ZSWIM5: variants seen among roughly 807,000 people sequenced by gnomAD.
The protein encoded by ZSWIM5 is zinc finger SWIM domain-containing protein 5.
ZSWIM5 carries 55 observed loss-of-function variants against 119.6 expected under a neutral mutation model. That is an observed-to-expected ratio of 0.46 (90% confidence interval 0.37 to 0.58). ZSWIM5 has a LOEUF of 0.58. Ranked by LOEUF, ZSWIM5 falls within the 20% of genes least tolerant of loss-of-function variation. ZSWIM5 has a pLI of 0.00. For synonymous variants in ZSWIM5, 537 were observed against 606.9 expected, an observed-to-expected ratio of 0.88 and a Z score of 1.69; for missense variants, 1,193 against 1,512.8, an observed-to-expected ratio of 0.79 and a Z score of 3.51.
Position 45,087,857 on chromosome 1 carries a change from TCAATAAAAA to T in ZSWIM5, c.952+15_952+23del. On this transcript the variant is annotated intron_variant, in intron 2 of 13. Transcript: ENST00000359600. ...GTGGTGATGAAAAAGACCTTTTTTTTCAATAAAAAAGTTGTACAATTACCATTCACTTGG... is the reference window on the plus strand; with the variant it reads ...GTGGTGATGAAAAAGACCTTTTTTTTAGTTGTACAATTACCATTCACTTGG... 1 of 1,545,380 alleles carries T rather than the reference TCAATAAAAA, an allele frequency of 6.5e-7. No homozygotes were observed. The highest frequency in any genetic ancestry group is 1.9e-5 in the Admixed American group (1 of 52,320).
At chr1:45,178,014 C>T (rs1278077762) in intron 1 of ZSWIM5, among the ~76,000 whole-genome samples, 5 of 151,202 alleles carry the variant, frequency 3.3e-5, no homozygotes, top group African/African-American at 4.9e-5. Flanking sequence ...GGATTACAGG[C>T]GTGAACCACT....
At chr1:45,174,156 T>A (rs1175235272) in intron 1 of ZSWIM5, among the ~76,000 whole-genome samples, 1 of 152,012 alleles carries the variant, frequency 6.6e-6, no homozygotes, top group Non-Finnish European at 1.5e-5. Flanking sequence ...ACACCTGTAT[T>A]CCCAGCTACT....
chr1:45,127,816 T>C (rs968108333), intron 1 of ZSWIM5, among the ~76,000 whole-genome samples: 1 of 152,142 alleles, frequency 6.6e-6, no homozygotes, highest in Admixed American at 6.5e-5. Flanking sequence ...ATAAACTGTA[T>C]TTCTATATAC....
At chr1:45,097,271 C>G (rs146954225) in intron 1 of ZSWIM5, among the ~76,000 whole-genome samples, 94 of 152,248 alleles carry the variant, frequency 6.2e-4, no homozygotes, top group African/African-American at 2.2e-3. Context: ...GACTAAAGAC[C>G]ATTTTTCTGT....
chr1:45,036,011 C>T (rs200235607), intron 9 of ZSWIM5, 28 bp downstream of exon 9: 3 of 1,605,280 alleles, frequency 1.9e-6, no homozygotes, highest in Admixed American at 1.7e-5. Flanking sequence ...GCCAAAGACA[C>T]CGTGACAAGA....
intron 1 of ZSWIM5, among the ~76,000 whole-genome samples, chr1:45,159,021 T>C (rs1439679183): frequency 6.6e-6 from 1 of 152,184 alleles, no homozygotes; most frequent in Admixed American, 6.5e-5. Flanking sequence ...AAAATTTAAA[T>C]GACATGCTAC....
At chr1:45,036,618 G>A (rs1644986340) in intron 8 of ZSWIM5, among the ~76,000 whole-genome samples, 2 of 151,890 alleles carry the variant, frequency 1.3e-5, no homozygotes, top group Non-Finnish European at 2.9e-5. Flanking sequence ...GCCTCCGAAT[G>A]TGCTGGGATT....
intron 1 of ZSWIM5, among the ~76,000 whole-genome samples, chr1:45,167,820 A>C (rs1645917108): frequency 6.6e-6 from 1 of 152,192 alleles, no homozygotes; most frequent in Non-Finnish European, 1.5e-5. Context: ...GAAGTCAGGA[A>C]ACAACAGGTG....
chr1:45,196,515 C>T (rs1646126773), intron 1 of ZSWIM5, among the ~76,000 whole-genome samples: 1 of 151,076 alleles, frequency 6.6e-6, no homozygotes, highest in Admixed American at 6.6e-5. Context: ...CTCAGCCTCC[C>T]GAGTAGCTGG....
chr1:45,027,458 C>G (rs1644927446), intron 11 of ZSWIM5, among the ~76,000 whole-genome samples: 1 of 151,284 alleles, frequency 6.6e-6, no homozygotes, highest in Non-Finnish European at 1.5e-5. Flanking sequence ...AGTGCAGTGG[C>G]ACGATCTCAG....
chr1:45,093,472 G>A lies in ZSWIM5; in HGVS notation c.596-5235C>T, dbSNP rs151129183. Among the ~76,000 whole-genome samples the A allele has an allele frequency of 2.0e-3, 301 of 152,348 alleles. 1 individual carries two copies. The highest frequency in any genetic ancestry group is 9.1e-3 in the South Asian group (44 of 4,832). On this transcript the variant is annotated intron_variant, in intron 1 of 13. Coordinates refer to ENST00000359600, the MANE Select transcript of ZSWIM5 (RefSeq NM_020883.2). The stretch of plus-strand genomic sequence containing the variant: ...CCTAGAGGCTCTGGCTAAGGCTCAT[G>A]ATTGATGCTCTTGGGAACATGTTCA...
chr1:45,121,851 G>A (rs1183133659), intron 1 of ZSWIM5, among the ~76,000 whole-genome samples: 2 of 152,050 alleles, frequency 1.3e-5, no homozygotes, highest in African/African-American at 4.8e-5. Context: ...GCCTCTTAAA[G>A]TGCTGGGATT....
At chr1:45,180,176 TG>T (rs1646007354) in intron 1 of ZSWIM5, among the ~76,000 whole-genome samples, 3 of 152,168 alleles carry the variant, frequency 2.0e-5, no homozygotes, top group African/African-American at 7.2e-5. Flanking sequence ...TTCCCTTTCC[TG>T]GTCAAGGACA....
intron 8 of ZSWIM5, 144 bp downstream of exon 8, chr1:45,038,792 T>C: frequency 1.1e-6 from 1 of 911,938 alleles, no homozygotes; most frequent in African/African-American, 1.7e-5. Flanking sequence ...GACAGGGTTT[T>C]GCCATGTTGC....
intron 1 of ZSWIM5, among the ~76,000 whole-genome samples, chr1:45,099,891 C>T (rs528215423): frequency 6.6e-5 from 10 of 152,228 alleles, no homozygotes; most frequent in South Asian, 2.1e-4. Flanking sequence ...ATTGATGTAA[C>T]GTATCTCAAA....
intron 2 of ZSWIM5, among the ~76,000 whole-genome samples, chr1:45,075,999 C>T (rs1645254548): frequency 6.7e-6 from 1 of 150,168 alleles, no homozygotes. Flanking sequence ...CCAAAAGAAA[C>T]CTAATAAAAA....
chr1:45,048,060 T>C (rs1273930112), intron 5 of ZSWIM5, among the ~76,000 whole-genome samples: 1 of 37,378 alleles, frequency 2.7e-5, no homozygotes, highest in Non-Finnish European at 5.1e-5. Context: ...TTTCTTTCTT[T>C]CTTTCTTTCC....
At chr1:45,108,755 A>T (rs1250207970) in intron 1 of ZSWIM5, among the ~76,000 whole-genome samples, 3 of 152,118 alleles carry the variant, frequency 2.0e-5, no homozygotes. Flanking sequence ...CTTTATTCAA[A>T]TACTTAAAAA....
intron 1 of ZSWIM5, among the ~76,000 whole-genome samples, chr1:45,133,076 G>A (rs1206124158): frequency 1.3e-5 from 2 of 152,174 alleles, no homozygotes; most frequent in Non-Finnish European, 2.9e-5. Flanking sequence ...ATAAACATAT[G>A]TGTGCATGTG....
Sources: gnomAD v4.1 joint callset for allele counts (sites outside exome capture counted in the v4.1 genomes callset) on GRCh38, gnomAD v4.1.1 for gene constraint, MANE v1.5 for transcripts, NCBI Gene and HGNC (gene_info 2026-07-23, HGNC 2026-07-21) for gene names.